EXOC4: variants seen among roughly 807,000 people sequenced by gnomAD.
EXOC4 encodes the protein SEC8-like 1.
A neutral mutation model predicts 107.2 loss-of-function variants in EXOC4; 71 were observed. That is an observed-to-expected ratio of 0.66 (90% CI 0.55 to 0.81). The LOEUF (loss-of-function observed/expected upper bound fraction) is 0.81. EXOC4 is among the 30% of genes least tolerant of loss of function. EXOC4 has a pLI of 0.00. For missense variants in EXOC4, 1,108 were observed against 1,189.6 expected (o/e 0.93, Z 1.01); for synonymous variants, 456 against 441.2 (o/e 1.03, Z -0.42).
chr7:133,301,287 T>G (rs1794635561), intron 3 of EXOC4, among the ~76,000 whole-genome samples: 2 of 152,168 alleles, frequency 1.3e-5, no homozygotes, highest in African/African-American at 4.8e-5. Context: ...ATACAGAGAT[T>G]TTGTGATGTT....
intron 11 of EXOC4, among the ~76,000 whole-genome samples, chr7:133,848,020 G>A (rs748017261): frequency 9.3e-5 from 14 of 151,036 alleles, no homozygotes; most frequent in African/African-American, 2.2e-4. Context: ...ATGAGCCACC[G>A]CGCCTGGCCC....
intron 7 of EXOC4, among the ~76,000 whole-genome samples, chr7:133,448,929 AC>A (rs1190905069): frequency 6.6e-6 from 1 of 151,994 alleles, no homozygotes; most frequent in Non-Finnish European, 1.5e-5. Context: ...ACATGGTGAA[AC>A]CCCATCTCTA....
chr7:133,282,898 A>G (rs1284041582), intron 2 of EXOC4, among the ~76,000 whole-genome samples: 7 of 152,104 alleles, frequency 4.6e-5, no homozygotes, highest in Non-Finnish European at 1.0e-4. Context: ...TGTCTAACTG[A>G]AGTATTGTAT....
In EXOC4 at chr7:133,814,362, G is replaced by A. The variant is rs544171931; in HGVS notation, c.1515-2963G>A. Among the ~76,000 whole-genome samples the A allele has an allele frequency of 1.6e-4, 24 of 152,238 alleles. No individual in the cohort carries two copies. The East Asian group carries it at 3.9e-3, about 24-fold the overall frequency. On this transcript the variant is annotated intron_variant, in intron 10 of 17. Transcript: ENST00000253861. ...ACATCAAAAGTTTCCACATTTGGGG[G>A]TAGAGGGAGCTGTACAGTATTCCAA...
At chr7:133,351,331 C>CT (rs1232958362) in intron 5 of EXOC4, among the ~76,000 whole-genome samples, 1 of 151,890 alleles carries the variant, frequency 6.6e-6, no homozygotes, top group Admixed American at 6.6e-5. Flanking sequence ...TAGTGCTTTT[C>CT]TTTGTTGGAA....
At chr7:134,038,391 C>T (rs531553004) in intron 17 of EXOC4, among the ~76,000 whole-genome samples, 1 of 152,294 alleles carries the variant, frequency 6.6e-6, no homozygotes, top group Admixed American at 6.5e-5. Context: ...TATTGATACT[C>T]TAGGCACCTA....
intron 5 of EXOC4, among the ~76,000 whole-genome samples, chr7:133,354,489 A>G (rs1795981015): frequency 6.6e-6 from 1 of 152,058 alleles, no homozygotes; most frequent in Non-Finnish European, 1.5e-5. Context: ...CCTAGTCCTA[A>G]TGTTTGGCTT....
At chr7:133,766,908 A>G (rs1796149389) in intron 10 of EXOC4, among the ~76,000 whole-genome samples, 1 of 151,840 alleles carries the variant, frequency 6.6e-6, no homozygotes, top group South Asian at 2.1e-4. Flanking sequence ...AGTCTTTCCC[A>G]TTTCATTCAC....
intron 7 of EXOC4, among the ~76,000 whole-genome samples, chr7:133,463,058 T>C (rs1482654788): frequency 1.3e-5 from 2 of 152,188 alleles, no homozygotes; most frequent in African/African-American, 4.8e-5. Flanking sequence ...TGGCAGGATA[T>C]GGCCGGTGGG....
In EXOC4 at chr7:133,527,888, C is replaced by G. The variant is rs545704925; in HGVS notation, c.1417+47750C>G. Among the ~76,000 whole-genome samples the G allele has an allele frequency of 3.9e-5, 6 of 152,248 alleles. No homozygotes were observed. The South Asian group carries it at 1.2e-3, about 32-fold the overall frequency. The stretch of plus-strand genomic sequence containing the variant: ...GTGTGATATAGTGGGGAGATATTTA[C>G]TGTTCATGCTTACTTCCTTTTTGTA... On this transcript the variant is annotated intron_variant, in intron 9 of 17. Coordinates refer to ENST00000253861, the MANE Select transcript of EXOC4 (RefSeq NM_021807.4).
intron 9 of EXOC4, among the ~76,000 whole-genome samples, chr7:133,577,990 TA>T (rs1305243005): frequency 1.3e-5 from 2 of 152,190 alleles, no homozygotes; most frequent in Non-Finnish European, 2.9e-5. Flanking sequence ...ATCAGCATGG[TA>T]AAGATGATAG....
chr7:133,522,896 G>T (rs1316925060), intron 9 of EXOC4, among the ~76,000 whole-genome samples: 1 of 152,100 alleles, frequency 6.6e-6, no homozygotes, highest in Non-Finnish European at 1.5e-5. Context: ...TAAAAACCAT[G>T]ACCAACTGGT....
chr7:133,375,283 C>T (rs939592771), intron 7 of EXOC4, among the ~76,000 whole-genome samples: 7 of 152,162 alleles, frequency 4.6e-5, no homozygotes, highest in African/African-American at 1.4e-4. Flanking sequence ...TGAGACCAGT[C>T]TGGCCAACAT....
At chr7:134,040,369 T>C (rs978418469) in intron 17 of EXOC4, among the ~76,000 whole-genome samples, 20 of 152,332 alleles carry the variant, frequency 1.3e-4, no homozygotes, top group Non-Finnish European at 2.2e-4. Flanking sequence ...TTGACAGTCT[T>C]CTTTACATGT....
the EXOC4 span, among the ~76,000 whole-genome samples, chr7:134,072,604 C>T: frequency 2.0e-5 from 3 of 152,086 alleles, no homozygotes; most frequent in Non-Finnish European, 4.4e-5. Flanking sequence ...TTAAACTGTT[C>T]GCTATGCTAA....
intron 7 of EXOC4, among the ~76,000 whole-genome samples, chr7:133,454,715 G>T (rs575379775): frequency 2.0e-5 from 3 of 152,288 alleles, no homozygotes; most frequent in African/African-American, 7.2e-5. Flanking sequence ...TGTGATTACA[G>T]TAGTCCTCCC....
intron 3 of EXOC4, among the ~76,000 whole-genome samples, chr7:133,291,767 C>T (rs577693252): frequency 1.1e-4 from 17 of 152,068 alleles, no homozygotes; most frequent in African/African-American, 3.9e-4. Flanking sequence ...TTTAACCCGT[C>T]GAAAGTCCAT....
chr7:133,305,134 C>T (rs1344696865), intron 3 of EXOC4, among the ~76,000 whole-genome samples: 2 of 150,618 alleles, frequency 1.3e-5, no homozygotes, highest in African/African-American at 4.9e-5. Flanking sequence ...GCTCCAGGTT[C>T]CCTGAATCCT....
chr7:133,923,933 C>G (rs1321437346), intron 13 of EXOC4, among the ~76,000 whole-genome samples: 1 of 151,984 alleles, frequency 6.6e-6, no homozygotes, highest in Admixed American at 6.5e-5. Flanking sequence ...TTTCCTCTAC[C>G]TGTTCTCTTC....
Sources: allele counts gnomAD v4.1 joint callset (sites outside exome capture counted in the v4.1 genomes callset), GRCh38; gene constraint gnomAD v4.1.1; transcripts MANE v1.5; gene names NCBI Gene and HGNC (gene_info 2026-07-23, HGNC 2026-07-21).